SLC5A12: variants seen among roughly 807,000 people sequenced by gnomAD.
The protein encoded by SLC5A12 is solute carrier family 5 member 12, also known as sodium-coupled monocarboxylate transporter 2.
Under a neutral mutation model 72.7 loss-of-function variants are expected in SLC5A12, and 46 were observed. The ratio of observed to expected loss-of-function variants is 0.63; its 90% CI spans 0.50 to 0.81. The LOEUF (loss-of-function observed/expected upper bound fraction) is 0.81, where lower values mean the gene tolerates loss of function less well. Ranked by LOEUF, SLC5A12 falls within the 30% of genes least tolerant of loss-of-function variation. The pLI is 0.00. For missense variants in SLC5A12, 683 were observed against 740.7 expected, an observed-to-expected ratio of 0.92 and a Z score of 0.90; for synonymous variants, 275 against 264.4, an observed-to-expected ratio of 1.04 and a Z score of -0.39.
chr11:26,687,321 AAGAT>A (rs955737832), intron 9 of SLC5A12, among the ~76,000 whole-genome samples: 41 of 152,314 alleles, frequency 2.7e-4, no homozygotes, highest in African/African-American at 6.3e-4. Context: ...AATAGAGAGA[AAGAT>A]AGGCAAAAAG....
At chr11:26,701,795 C>A (rs1353855980) in intron 6 of SLC5A12, among the ~76,000 whole-genome samples, 1 of 152,024 alleles carries the variant, frequency 6.6e-6, no homozygotes, top group Non-Finnish European at 1.5e-5. Flanking sequence ...TATATATATG[C>A]CCATCCATAC....
intron 4 of SLC5A12, among the ~76,000 whole-genome samples, chr11:26,706,920 C>T (rs1032125774): frequency 1.3e-5 from 2 of 151,244 alleles, no homozygotes; most frequent in African/African-American, 2.4e-5. Context: ...AATAGTTTAA[C>T]TAGACTCATT....
rs1253523976 is a variant in SLC5A12, at chr11:26,667,589, A to C, written c.*3513T>G. 1 of 151,958 alleles carries C rather than the reference A, an allele frequency of 6.6e-6. No homozygotes were observed. Among genetic ancestry groups the C allele is most frequent in the Non-Finnish European group, 1.5e-5 (1 of 67,902 alleles). The allele number at this position is 151,958 out of a possible 1,614,324, so 9.4% of individuals were successfully genotyped here. A position where few individuals can be genotyped will look rare whatever the true frequency, so the allele number is the denominator to read the frequency against. On this transcript the variant is annotated 3_prime_UTR_variant, in exon 15 of 15. Transcript: ENST00000396005. Reference sequence around the variant, plus strand: ...GCTTTGAACTGTGCAATGAGTAATAAACTTGGGTTGAGATGCTGTTTATTT... The same window carrying C: ...GCTTTGAACTGTGCAATGAGTAATACACTTGGGTTGAGATGCTGTTTATTT...
chr11:26,671,229 G>A lies in SLC5A12; in HGVS notation c.1730C>T (p.Ala577Val), dbSNP rs1854135039. 9 of 1,602,318 alleles carry A rather than the reference G, an allele frequency of 5.6e-6. 1 individual carries two copies. In the East Asian group the frequency reaches 1.8e-4, roughly 32 times the overall value. Residue 577 changes from alanine to valine, a missense_variant, in exon 15 of 15, where the codon GCC (alanine) becomes GTC (valine). Ala to Val is a moderately conservative substitution (Grantham distance 64, BLOSUM62 0). Transcript: ENST00000396005. ...TEQENLENGS[A>V]RKQGAESVLQ... ...GACAGATTCAGCCCCCTGTTTCCGG[G>A]CACTGCCATTCTCAAGGTTTTCCTG...
chr11:26,716,095 T>G (rs1226919369), intron 1 of SLC5A12, among the ~76,000 whole-genome samples: 2 of 152,088 alleles, frequency 1.3e-5, no homozygotes, highest in Non-Finnish European at 2.9e-5. Context: ...TGGTACTGGG[T>G]GGCACAAGGA....
upstream of SLC5A12, among the ~76,000 whole-genome samples, chr11:26,722,584 A>G (rs1183076333): frequency 6.6e-6 from 1 of 152,126 alleles, no homozygotes. Flanking sequence ...AGAAAAATCA[A>G]TTTGCCATTA....
At chr11:26,681,287 T>C in intron 11 of SLC5A12, 66 bp from the exon 12 acceptor site, 2 of 1,333,310 alleles carry the variant, frequency 1.5e-6, no homozygotes, top group Non-Finnish European at 2.0e-6. Context: ...AATAATGAGA[T>C]GAGGAGTTCT....
intron 12 of SLC5A12, 29 bp from the exon 13 acceptor site, chr11:26,678,844 C>T (rs760815936): frequency 1.3e-5 from 19 of 1,492,154 alleles, no homozygotes; most frequent in South Asian, 2.3e-5. Flanking sequence ...GTCACCAATT[C>T]CATGCATCCT....
At chr11:26,682,512 T>C (rs1854433864) in intron 11 of SLC5A12, among the ~76,000 whole-genome samples, 1 of 152,128 alleles carries the variant, frequency 6.6e-6, no homozygotes, top group Admixed American at 6.6e-5. Flanking sequence ...GGATCAGCTA[T>C]GGCCATTGAT....
chr11:26,672,444 G>A (rs1854165137), intron 14 of SLC5A12, among the ~76,000 whole-genome samples: 1 of 152,100 alleles, frequency 6.6e-6, no homozygotes, highest in Non-Finnish European at 1.5e-5. Context: ...ACACTGATAA[G>A]GTCAGCTGCT....
intron 13 of SLC5A12, among the ~76,000 whole-genome samples, chr11:26,673,865 A>C (rs963213646): frequency 2.6e-5 from 4 of 152,200 alleles, no homozygotes; most frequent in African/African-American, 9.6e-5. Context: ...CCTTTAAAAA[A>C]GCTCTTGACT....
intron 4 of SLC5A12, among the ~76,000 whole-genome samples, chr11:26,704,259 G>T (rs1025896053): frequency 6.6e-6 from 1 of 152,144 alleles, no homozygotes; most frequent in Admixed American, 6.6e-5. Context: ...GCATAAAACA[G>T]GGAGCCCTGA....
chr11:26,690,423 G>A (rs1854639784), intron 9 of SLC5A12, among the ~76,000 whole-genome samples: 1 of 151,666 alleles, frequency 6.6e-6, no homozygotes, highest in African/African-American at 2.4e-5. Flanking sequence ...TTATACATGA[G>A]AAACCTTTAT....
At chr11:26,705,692 A>C (rs1043614555) in intron 4 of SLC5A12, among the ~76,000 whole-genome samples, 1 of 152,132 alleles carries the variant, frequency 6.6e-6, no homozygotes, top group Non-Finnish European at 1.5e-5. Flanking sequence ...AAATCCATTA[A>C]GCCTTCAAAA....
upstream of SLC5A12, among the ~76,000 whole-genome samples, chr11:26,722,938 G>A (rs577261926): frequency 8.0e-5 from 12 of 150,862 alleles, no homozygotes; most frequent in African/African-American, 2.4e-4. Context: ...CCTGTAGAAC[G>A]TAGCCTCCCT....
At chr11:26,686,670 T>A in intron 9 of SLC5A12, 126 bp from the exon 10 acceptor site, 7 of 740,168 alleles carry the variant, frequency 9.5e-6, no homozygotes, top group Non-Finnish European at 1.6e-5. Context: ...GCGAGGACCA[T>A]CCTCCCCATT....
intron 7 of SLC5A12, 111 bp downstream of exon 7, chr11:26,698,295 G>C: frequency 1.4e-6 from 2 of 1,382,506 alleles, no homozygotes. Context: ...CTTGGGGTTT[G>C]AGAAATAGTG....
At chr11:26,715,220 C>A (rs1464964801) in intron 1 of SLC5A12, among the ~76,000 whole-genome samples, 2 of 152,140 alleles carry the variant, frequency 1.3e-5, no homozygotes, top group Admixed American at 6.6e-5. Flanking sequence ...TCTGAGGGTG[C>A]AACACCCATA....
chr11:26,711,940 T>G (rs1190713279), intron 2 of SLC5A12, among the ~76,000 whole-genome samples: 1 of 152,078 alleles, frequency 6.6e-6, no homozygotes, highest in African/African-American at 2.4e-5. Context: ...AATTTCACCA[T>G]GTAGAGATTC....
Sources: allele counts gnomAD v4.1 joint callset (sites outside exome capture counted in the v4.1 genomes callset), GRCh38; gene constraint gnomAD v4.1.1; transcripts MANE v1.5; gene names NCBI Gene and HGNC (gene_info 2026-07-23, HGNC 2026-07-21).